PBK: variants seen among roughly 807,000 people sequenced by gnomAD.
The protein encoded by PBK is lymphokine-activated killer T-cell-originated protein kinase.
Under a neutral mutation model 33.5 loss-of-function variants are expected in PBK, and 22 were observed. The observed-to-expected ratio is 0.66, with a 90% confidence interval of 0.47 to 0.94. The LOEUF is 0.94. Among genes scored for constraint, PBK ranks in the 40% least tolerant of loss-of-function variants. The pLI, the probability that PBK is intolerant of heterozygous loss-of-function variation, is 0.00. For missense variants in PBK, 376 were observed against 383.4 expected, an observed-to-expected ratio of 0.98 and a Z score of 0.16; for synonymous variants, 129 against 123.8, an observed-to-expected ratio of 1.04 and a Z score of -0.28.
Position 27,831,841 on chromosome 8 carries a change from A to G in PBK, c.58+1215T>C, listed in dbSNP as rs115746318. Among the ~76,000 whole-genome samples, 1,437 of 152,294 alleles carry G rather than the reference A, an allele frequency of 9.4e-3. 25 individuals are homozygous for G. The highest frequency in any genetic ancestry group is 0.032 in the African/African-American group (1,341 of 41,566). On this transcript the variant is annotated intron_variant, in intron 2 of 7. Coordinates refer to ENST00000301905, the MANE Select transcript of PBK (RefSeq NM_018492.4). Reference sequence around the variant, plus strand: ...AATAAGAGATCACTTGAATAGCCCTATATCTATTAACTGTGAAATCACAGT... The same window carrying G: ...AATAAGAGATCACTTGAATAGCCCTGTATCTATTAACTGTGAAATCACAGT...
chr8:27,818,592 A>T (rs1251206358), intron 6 of PBK, among the ~76,000 whole-genome samples: 3 of 152,302 alleles, frequency 2.0e-5, no homozygotes, highest in African/African-American at 7.2e-5. Context: ...ATTTCTCAAC[A>T]GTCTCTTCAT....
intron 2 of PBK, among the ~76,000 whole-genome samples, chr8:27,831,646 G>C (rs759568957): frequency 3.9e-5 from 6 of 151,952 alleles, no homozygotes; most frequent in Non-Finnish European, 5.9e-5. Context: ...CCTCAAGTCA[G>C]ACTGATTAAG....
intron 2 of PBK, among the ~76,000 whole-genome samples, chr8:27,831,007 T>C (rs1334573832): frequency 1.3e-5 from 2 of 152,108 alleles, no homozygotes; most frequent in Non-Finnish European, 2.9e-5. Flanking sequence ...AAGGTATAAA[T>C]TCATCAAAAG....
At position 27,810,107 on chromosome 8, in the gene PBK, A is replaced by G. The variant is rs1473741633; in HGVS notation, c.*198T>C. 5 of 529,200 alleles carry G rather than the reference A, an allele frequency of 9.4e-6. No individual in the cohort carries two copies. Among genetic ancestry groups the G allele is most frequent in the Non-Finnish European group, 1.6e-5 (5 of 304,480 alleles). The allele number at this position is 529,200 out of a possible 1,614,324, so 32.8% of individuals were successfully genotyped here. ...ATGTAGCTAGTTTCTAAAACTTTAC[A>G]GAAAACCCAGTACAATTCCAAGTGC... On this transcript the variant is annotated 3_prime_UTR_variant, in exon 8 of 8. Coordinates refer to ENST00000301905, the MANE Select transcript of PBK (RefSeq NM_018492.4).
chr8:27,824,530 T>C (rs2128964020), intron 3 of PBK, among the ~76,000 whole-genome samples: 1 of 152,214 alleles, frequency 6.6e-6, no homozygotes, highest in African/African-American at 2.4e-5. Context: ...CTTTATGCAA[T>C]CATTTAAGAC....
At chr8:27,830,796 G>C (rs4540370) in intron 2 of PBK, among the ~76,000 whole-genome samples, 23,878 of 152,050 alleles carry the variant, frequency 0.16, 2,359 homozygotes, top group East Asian at 0.37. Context: ...TGTCAGAACG[G>C]ATAAAAACAA....
chr8:27,831,551 T>TTGATATTTGTAGAACAC (rs1806131575), intron 2 of PBK, among the ~76,000 whole-genome samples: 1 of 109,638 alleles, frequency 9.1e-6, no homozygotes, highest in Admixed American at 8.6e-5. Flanking sequence ...TTGTAGAACA[T>TTGATATTTGTAGAACAC]TGACATTTGT....
chr8:27,823,122 T>C lies in PBK; in HGVS notation c.236A>G (p.Gln79Arg). ...ICNDHYRSVY[Q>R]KRLMDEAKIL... ...CTTAGCTTCATCCATTAGTCTCTTT[T>C]GATACACACTTCGATAATGATCATT... Residue 79 changes from glutamine to arginine, a missense_variant, in exon 4 of 8, where the codon CAA (glutamine) becomes CGA (arginine). Gln to Arg is a conservative substitution (Grantham distance 43). Coordinates refer to ENST00000301905, the MANE Select transcript of PBK (RefSeq NM_018492.4). 1.3e-6 allele frequency: 2 copies of C among 1,578,790 alleles called. No homozygotes were observed. The highest frequency in any genetic ancestry group is 1.7e-6 in the Non-Finnish European group (2 of 1,148,964).
At chr8:27,826,539 A>G (rs1806026365) in intron 3 of PBK, among the ~76,000 whole-genome samples, 1 of 146,262 alleles carries the variant, frequency 6.8e-6, no homozygotes, top group Non-Finnish European at 1.5e-5. Flanking sequence ...AAGATCAGCT[A>G]TTTGCCCAGC....
Position 27,811,771 on chromosome 8 carries a change from C to T in PBK, c.596-637G>A, listed in dbSNP as rs148416171. On this transcript the variant is annotated intron_variant, in intron 6 of 7. Coordinates refer to ENST00000301905, the MANE Select transcript of PBK (RefSeq NM_018492.4). ...CTTAATAGTATTGAGTCTTCCAAAC[C>T]GCAGTCATATATTTCTCCACTTAGT... is the stretch of plus-strand genomic sequence containing the variant. 6.4e-3 allele frequency among the ~76,000 whole-genome samples: 972 copies of T among 152,212 alleles called. 8 individuals carry two copies. Among genetic ancestry groups the T allele is most frequent in the Non-Finnish European group, 0.011 (739 of 67,998 alleles).
At chr8:27,828,221 ATAAAAT>A (rs749764620) in intron 2 of PBK, 23 bp from the exon 3 acceptor site, 1 of 1,045,632 alleles carries the variant, frequency 9.6e-7, no homozygotes, top group South Asian at 1.5e-5. Context: ...GAAATAAAAA[ATAAAAT>A]TAATAAAAAA....
intron 6 of PBK, 191 bp from the exon 7 acceptor site, chr8:27,811,325 C>G (rs1204685196): frequency 4.9e-6 from 3 of 610,764 alleles, no homozygotes; most frequent in African/African-American, 3.7e-5. Flanking sequence ...ATTCAAGAAG[C>G]TGGTCAGTTG....
chr8:27,833,255 G>C (rs1265953548), intron 1 of PBK, 122 bp from the exon 2 acceptor site: 2 of 524,218 alleles, frequency 3.8e-6, no homozygotes, highest in Non-Finnish European at 6.6e-6. Flanking sequence ...ACTTTGGGAG[G>C]CTGAGGTGGG....
chr8:27,830,292 C>A, intron 2 of PBK, among the ~76,000 whole-genome samples: 1 of 143,230 alleles, frequency 7.0e-6, no homozygotes, highest in African/African-American at 2.6e-5. Context: ...CTCAATGATA[C>A]AAAGGAAAAT....
At chr8:27,824,293 ACAAGT>A (rs1805986146) in intron 3 of PBK, among the ~76,000 whole-genome samples, 1 of 152,148 alleles carries the variant, frequency 6.6e-6, no homozygotes, top group East Asian at 1.9e-4. Flanking sequence ...AATTTAGTAA[ACAAGT>A]CAATCTTCAC....
At chr8:27,829,511 T>C (rs4732766) in intron 2 of PBK, among the ~76,000 whole-genome samples, 149,224 of 152,324 alleles carry the variant, frequency 0.98, 73,177 homozygotes, top group Middle Eastern at 1. Context: ...AAATATCTAC[T>C]GCCCAATCAA....
intron 2 of PBK, among the ~76,000 whole-genome samples, chr8:27,830,932 C>T (rs1032839852): frequency 2.0e-5 from 3 of 152,162 alleles, no homozygotes; most frequent in Non-Finnish European, 4.4e-5. Flanking sequence ...CCATTACTAT[C>T]ACATAAAGTG....
chr8:27,811,731 A>G (rs4732757), intron 6 of PBK, among the ~76,000 whole-genome samples: 23,907 of 152,178 alleles, frequency 0.16, 2,378 homozygotes, highest in East Asian at 0.36. Flanking sequence ...GGATCAATTT[A>G]GTAAGCATTA....
At chr8:27,825,702 G>A (rs189041503) in intron 3 of PBK, among the ~76,000 whole-genome samples, 11 of 151,986 alleles carry the variant, frequency 7.2e-5, no homozygotes, top group Admixed American at 3.3e-4. Flanking sequence ...CCTAGATACC[G>A]AACATTTCTA....
Sources: gnomAD v4.1 joint callset for allele counts (sites outside exome capture counted in the v4.1 genomes callset) on GRCh38, gnomAD v4.1.1 for gene constraint, MANE v1.5 for transcripts, NCBI Gene and HGNC (gene_info 2026-07-23, HGNC 2026-07-21) for gene names.